The following NPFFR1 variants were observed in gnomAD, a reference collection of about 807,000 sequenced individuals.
NPFFR1 encodes the protein neuropeptide FF receptor 1, also known as G-protein coupled receptor 147.
A neutral mutation model predicts 12.7 loss-of-function variants in NPFFR1; 17 were observed. That is an observed-to-expected ratio of 1.34 (90% CI 0.92 to 2.01). The LOEUF (loss-of-function observed/expected upper bound fraction) is 2.01, where lower values mean the gene tolerates loss of function less well. Among genes scored for constraint, NPFFR1 ranks in the 30% most tolerant of loss-of-function variants. NPFFR1 has a pLI of 0.00. For missense variants in NPFFR1, 604 were observed against 606.5 expected, an observed-to-expected ratio of 1.00 and a Z score of 0.04; for synonymous variants, 296 against 264.5, an observed-to-expected ratio of 1.12 and a Z score of -1.16.
At position 70,255,453 on chromosome 10, in the gene NPFFR1, G is replaced by T. The variant is rs1156747609; in HGVS notation, c.797C>A (p.Ala266Glu). ...AADPRASRRR[A>E]RVVHMLVMVA... ...CATGACCAGCATGTGCACCACGCGC[G>T]CTCTGCGCCGCGATGCTCGCGGGTC... The change falls in exon 4 of 4, where the codon GCG becomes GAG. Residue 266 changes from alanine to glutamate, a missense_variant. Coordinates refer to ENST00000277942, the MANE Select transcript of NPFFR1 (RefSeq NM_022146.5). This position sits in a 1 kb window ranked among gnomAD's most constrained non-coding sequence, Gnocchi z 4.2. The T allele has an allele frequency of 1.6e-5, 24 of 1,548,136 alleles. No homozygotes were observed. The highest frequency in any genetic ancestry group is 2.7e-5 in the African/African-American group (2 of 73,008).
Position 70,255,619 on chromosome 10 carries a change from C to T in NPFFR1, c.631G>A (p.Gly211Ser). The change falls in exon 4 of 4, where the codon GGC (glycine) becomes AGC (serine). Residue 211 changes from glycine (G) to serine (S), a missense_variant. Transcript: ENST00000277942. This position sits in a 1 kb window ranked among gnomAD's most constrained non-coding sequence, Gnocchi z 4.2. Reference sequence around the variant, plus strand: ...ACAGTGGTGTAGACCCTGCGCATGCCCTTCTCGGGCCAGGCCTCCCAGCAG... The same window carrying T: ...ACAGTGGTGTAGACCCTGCGCATGCTCTTCTCGGGCCAGGCCTCCCAGCAG... Reference protein sequence around the residue: ...YSCWEAWPEKGMRRVYTTVLF... With the variant: ...YSCWEAWPEKSMRRVYTTVLF... 1 of 1,572,462 alleles carries T rather than the reference C, an allele frequency of 6.4e-7. No homozygotes were observed. Among genetic ancestry groups the T allele is most frequent in the South Asian group, 1.2e-5 (1 of 85,544 alleles).
rs1377963770 is a variant in NPFFR1, at chr10:70,252,073, C to T, written c.*2884G>A. 6.6e-6 allele frequency: 1 copy of T among 152,200 alleles called. No individual in the cohort carries two copies. The highest frequency in any genetic ancestry group is 2.4e-5 in the African/African-American group (1 of 41,458). The allele number at this position is 152,200 out of a possible 1,614,324, so 9.4% of individuals were successfully genotyped here. A position where few individuals can be genotyped will look rare whatever the true frequency, so the allele number is the denominator to read the frequency against. On this transcript the variant is annotated 3_prime_UTR_variant, in exon 4 of 4. Transcript: ENST00000277942. Reference sequence around the variant, plus strand: ...ACACAGGCACTATTGTCAGGAACTACTTCTAGCATCTAAAAACTCCATACA... The same window carrying T: ...ACACAGGCACTATTGTCAGGAACTATTTCTAGCATCTAAAAACTCCATACA...
chr10:70,262,021 C>T (rs973860909), intron 2 of NPFFR1, among the ~76,000 whole-genome samples: 2 of 152,172 alleles, frequency 1.3e-5, no homozygotes, highest in African/African-American at 2.4e-5. Flanking sequence ...GTTATTTTCT[C>T]ATTGTACCAA....
At chr10:70,262,099 G>T (rs549236704) in intron 2 of NPFFR1, among the ~76,000 whole-genome samples, 1 of 152,258 alleles carries the variant, frequency 6.6e-6, no homozygotes, top group East Asian at 1.9e-4. Context: ...ATAAGAACTG[G>T]GTAGAAATAA....
Position 70,254,919 on chromosome 10 carries a change from G to C in NPFFR1, c.*38C>G, listed in dbSNP as rs377334704. On this transcript the variant is annotated 3_prime_UTR_variant, in exon 4 of 4. Coordinates refer to ENST00000277942, the MANE Select transcript of NPFFR1 (RefSeq NM_022146.5). Reference sequence around the variant, plus strand: ...GCCTGCATGTATCTCGTGTCCAATCGGGGCCCTGAGGCAGCGTCCCGCCCT... The same window carrying C: ...GCCTGCATGTATCTCGTGTCCAATCCGGGCCCTGAGGCAGCGTCCCGCCCT... The C allele has an allele frequency of 5.8e-6, 8 of 1,383,012 alleles. No homozygotes were observed. The East Asian group carries it at 8.6e-5, about 15-fold the overall frequency. 85.7% of individuals were successfully genotyped at this position (1,383,012 alleles called of 1,614,324 possible).
In NPFFR1 at chr10:70,255,335, C is replaced by G. The variant is rs755181258; in HGVS notation, c.915G>C (p.Leu305=). 1.3e-6 allele frequency: 2 copies of G among 1,577,104 alleles called. No individual in the cohort carries two copies. The highest frequency in any genetic ancestry group is 2.3e-5 in the South Asian group (2 of 86,422). ...CGAAGGGGAAGGCGTAGACGGTGAC[C>G]AGGTGCAGCTGCGGCGCGCTGAGCT... ...YGQLSAPQLH[L]VTVYAFPFAH... is the part of the protein sequence containing the mutation. The change falls in exon 4 of 4, where the codon CTG becomes CTC. Residue 305 remains leucine (L), a synonymous_variant. Coordinates refer to ENST00000277942, the MANE Select transcript of NPFFR1 (RefSeq NM_022146.5). This position sits in a 1 kb window ranked among gnomAD's most constrained non-coding sequence, Gnocchi z 4.2.
intron 1 of NPFFR1, among the ~76,000 whole-genome samples, chr10:70,266,741 C>T (rs923787351): frequency 1.3e-5 from 2 of 152,246 alleles, no homozygotes; most frequent in Admixed American, 1.3e-4. Flanking sequence ...TGTCTTCTGG[C>T]TTCTAGCTGG....
rs1436277102 is a variant in NPFFR1, at chr10:70,250,297, A to G, written c.*4660T>C. ...TTCATACACTGCTGATGGGAGTACA[A>G]AATGGTAGAGCGACTTTGGAAAGCA... On this transcript the variant is annotated 3_prime_UTR_variant, in exon 4 of 4. Transcript: ENST00000277942. 2 of 152,238 alleles carry G rather than the reference A, an allele frequency of 1.3e-5. No homozygotes were observed. Among genetic ancestry groups the G allele is most frequent in the Non-Finnish European group, 2.9e-5 (2 of 68,052 alleles). 9.4% of individuals were successfully genotyped at this position (152,238 alleles called of 1,614,324 possible). A position where few individuals can be genotyped will look rare whatever the true frequency, so the allele number is the denominator to read the frequency against.
rs568759928 is a variant in NPFFR1, at chr10:70,283,969, C to T, written c.-293G>A. On this transcript the variant is annotated 5_prime_UTR_variant, in exon 1 of 4. Transcript: ENST00000277942. ...CCTCCCGACCAGGGGAAGGAGGGGG[C>T]TCGTGAGGCGCAGTCGTCATGGCAC... is the stretch of plus-strand genomic sequence containing the variant. 1.4e-4 allele frequency among the ~76,000 whole-genome samples: 22 copies of T among 152,250 alleles called. No individual in the cohort carries two copies. Among genetic ancestry groups the T allele is most frequent in the African/African-American group, 5.3e-4 (22 of 41,566 alleles).
chr10:70,276,560 G>A (rs1277105210), intron 1 of NPFFR1, among the ~76,000 whole-genome samples: 3 of 149,300 alleles, frequency 2.0e-5, no homozygotes, highest in South Asian at 2.1e-4. Flanking sequence ...ATGAGAGACC[G>A]AATTTAATTC....
At chr10:70,260,011 G>A (rs978986410) in intron 3 of NPFFR1, among the ~76,000 whole-genome samples, 1 of 152,216 alleles carries the variant, frequency 6.6e-6, no homozygotes, top group Non-Finnish European at 1.5e-5. Flanking sequence ...TGTGGGGGAG[G>A]AGCACTCATG....
intron 3 of NPFFR1, among the ~76,000 whole-genome samples, chr10:70,256,462 C>T (rs1385987154): frequency 6.6e-6 from 1 of 152,176 alleles, no homozygotes; most frequent in Non-Finnish European, 1.5e-5. Context: ...TCGACAAGGA[C>T]GATTAGGTGC....
Position 70,255,533 on chromosome 10 carries a change from G to A in NPFFR1, c.717C>T (p.Ile239=), listed in dbSNP as rs1230019193. The part of the protein sequence containing the change: ...LALIVVMYAR[I]ARKLCQAPGP... ...CCGGGGCCTGGCAGAGCTTGCGCGC[G>A]ATGCGGGCGTACATGACCACGATGA... is the stretch of plus-strand genomic sequence containing the variant. Residue 239 remains isoleucine (I), a synonymous_variant, in exon 4 of 4, where the codon ATC becomes ATT. Transcript: ENST00000277942. This position sits in a 1 kb window ranked among gnomAD's most constrained non-coding sequence, Gnocchi z 4.2. The A allele has an allele frequency of 6.5e-7, 1 of 1,549,122 alleles. No homozygotes were observed. Among genetic ancestry groups the A allele is most frequent in the Non-Finnish European group, 8.7e-7 (1 of 1,145,954 alleles).
intron 1 of NPFFR1, among the ~76,000 whole-genome samples, chr10:70,275,273 A>G (rs1440184689): frequency 6.6e-6 from 1 of 152,188 alleles, no homozygotes; most frequent in Non-Finnish European, 1.5e-5. Flanking sequence ...GTATTCAGAA[A>G]AGGTTCTGAT....
chr10:70,265,012 AT>A (rs2136799404), intron 2 of NPFFR1, among the ~76,000 whole-genome samples: 1 of 152,178 alleles, frequency 6.6e-6, no homozygotes, highest in East Asian at 1.9e-4. Context: ...GTGTGTGTCT[AT>A]GTGTTGGAAA....
At chr10:70,259,534 C>T (rs1449719372) in intron 3 of NPFFR1, among the ~76,000 whole-genome samples, 1 of 152,116 alleles carries the variant, frequency 6.6e-6, no homozygotes, top group African/African-American at 2.4e-5. Context: ...AGGGAAGGGA[C>T]TTCTCCTGAT....
rs1376024942 is a variant in NPFFR1, at chr10:70,250,765, G to A, written c.*4192C>T. On this transcript the variant is annotated 3_prime_UTR_variant, in exon 4 of 4. Coordinates refer to ENST00000277942, the MANE Select transcript of NPFFR1 (RefSeq NM_022146.5). Reference sequence around the variant, plus strand: ...GCACAAGGAAACATTTTAGGATGATGAAAATATCTTCAGTGTGGTAGGGAC... The same window carrying A: ...GCACAAGGAAACATTTTAGGATGATAAAAATATCTTCAGTGTGGTAGGGAC... The A allele has an allele frequency of 6.6e-6, 1 of 152,228 alleles. No individual in the cohort carries two copies. The highest frequency in any genetic ancestry group is 1.5e-5 in the Non-Finnish European group (1 of 68,044). The allele number at this position is 152,228 out of a possible 1,614,324, so 9.4% of individuals were successfully genotyped here.
At chr10:70,267,419 T>C (rs2136801755) in intron 1 of NPFFR1, among the ~76,000 whole-genome samples, 1 of 138,992 alleles carries the variant, frequency 7.2e-6, no homozygotes, top group East Asian at 2.1e-4. Flanking sequence ...ATTTGTTTTC[T>C]TTTGTATTTT....
Position 70,255,531 on chromosome 10 carries a change from G to C in NPFFR1, c.719C>G (p.Ala240Gly). ...ALIVVMYARI[A>G]RKLCQAPGPA... ...GCCCGGGGCCTGGCAGAGCTTGCGC[G>C]CGATGCGGGCGTACATGACCACGAT... The change falls in exon 4 of 4, where the codon GCG (alanine) becomes GGG (glycine). Residue 240 changes from alanine (A) to glycine (G), a missense_variant. Ala to Gly is a moderately conservative substitution (Grantham distance 60). Transcript: ENST00000277942. This position sits in a 1 kb window ranked among gnomAD's most constrained non-coding sequence, Gnocchi z 4.2. 1 of 1,548,978 alleles carries C rather than the reference G, an allele frequency of 6.5e-7. No homozygotes were observed. The highest frequency in any genetic ancestry group is 8.7e-7 in the Non-Finnish European group (1 of 1,145,896).
Sources: allele counts gnomAD v4.1 joint callset (sites outside exome capture counted in the v4.1 genomes callset), GRCh38; gene constraint gnomAD v4.1.1; non-coding constraint Gnocchi (gnomAD v3.1); transcripts MANE v1.5; gene names NCBI Gene and HGNC (gene_info 2026-07-23, HGNC 2026-07-21).